Variants in EVC2 observed in about 807,000 individuals in gnomAD.
EVC2 encodes limbin.
In EVC2, 148 loss-of-function variants were observed where a neutral mutation model predicts 149.3. That is an observed-to-expected ratio of 0.99 (90% confidence interval 0.87 to 1.14). The LOEUF is 1.14. Ranked by LOEUF, EVC2 falls within the 50% of genes most tolerant of loss-of-function variation. The pLI, the probability that EVC2 is intolerant of heterozygous loss-of-function variation, is 0.00. For missense variants in EVC2, 1,854 were observed against 1,627.3 expected (o/e 1.14, Z -2.40); for synonymous variants, 776 against 649.9 (o/e 1.19, Z -2.95).
At chr4:5,579,178 G>A (rs1711539484) in intron 17 of EVC2, among the ~76,000 whole-genome samples, 1 of 152,120 alleles carries the variant, frequency 6.6e-6, no homozygotes, top group African/African-American at 2.4e-5. Flanking sequence ...AACTAGAGTA[G>A]GGAGAAAGGG....
chr4:5,612,693 C>T (rs894018237), intron 16 of EVC2, among the ~76,000 whole-genome samples: 3 of 151,972 alleles, frequency 2.0e-5, no homozygotes, highest in South Asian at 2.1e-4. Flanking sequence ...GAGGCCGAGG[C>T]GGGCGGATCA....
At chr4:5,701,917 C>T (rs1331233751) in intron 1 of EVC2, among the ~76,000 whole-genome samples, 4 of 152,098 alleles carry the variant, frequency 2.6e-5, no homozygotes, top group Admixed American at 6.6e-5. Flanking sequence ...CCAGCAACCT[C>T]TCAGTAGCCC....
chr4:5,536,590 TTGG>T, the EVC2 span, among the ~76,000 whole-genome samples: 1 of 151,914 alleles, frequency 6.6e-6, no homozygotes, highest in Admixed American at 6.6e-5. Context: ...CGAGACCATC[TTGG>T]CTAACATGGT....
At chr4:5,552,306 C>T (rs1721752755) in intron 21 of EVC2, among the ~76,000 whole-genome samples, 1 of 152,164 alleles carries the variant, frequency 6.6e-6, no homozygotes, top group African/African-American at 2.4e-5. Context: ...TTGGCATTTA[C>T]AACATTATAA....
intron 9 of EVC2, among the ~76,000 whole-genome samples, chr4:5,658,400 A>G (rs1043202879): frequency 1.3e-5 from 2 of 152,254 alleles, no homozygotes; most frequent in Non-Finnish European, 2.9e-5. Context: ...AAGAATAAAA[A>G]GAGTAGTAGT....
intron 21 of EVC2, among the ~76,000 whole-genome samples, chr4:5,550,604 T>C (rs1010142822): frequency 1.3e-5 from 2 of 152,264 alleles, no homozygotes; most frequent in African/African-American, 4.8e-5. Context: ...GAGAACGCAA[T>C]AGAAAAGAAA....
intron 16 of EVC2, among the ~76,000 whole-genome samples, chr4:5,608,512 A>G (rs1429758880): frequency 2.0e-5 from 3 of 152,064 alleles, no homozygotes; most frequent in Non-Finnish European, 4.4e-5. Context: ...ATGTTTCTGA[A>G]AGAGATTAGC....
Position 5,670,145 on chromosome 4 carries a change from G to A in EVC2, c.871-4496C>T, listed in dbSNP as rs1167778325. On this transcript the variant is annotated intron_variant, in intron 7 of 21. Coordinates refer to ENST00000344408, the MANE Select transcript of EVC2 (RefSeq NM_147127.5). The surrounding 1 kb of genome is among the most constrained non-coding windows in gnomAD (Gnocchi z 5.2). ...AAGATCTCAATATGTAATTTTATGA[G>A]AAGAAGGAGGCTCCATATAATCACT... Among the ~76,000 whole-genome samples the A allele has an allele frequency of 6.6e-6, 1 of 152,132 alleles. No homozygotes were observed. The highest frequency in any genetic ancestry group is 1.5e-5 in the Non-Finnish European group (1 of 68,016).
downstream of EVC2, chr4:5,542,622 T>C (rs1228726616): frequency 1.9e-5 from 3 of 154,724 alleles, no homozygotes; most frequent in African/African-American, 7.2e-5. Flanking sequence ...ACCTACACAC[T>C]GGAGAGTCTG....
intron 21 of EVC2, among the ~76,000 whole-genome samples, chr4:5,556,415 C>T (rs192573335): frequency 2.6e-5 from 4 of 151,600 alleles, no homozygotes; most frequent in African/African-American, 9.7e-5. Context: ...ACAACTTATC[C>T]CAATTTGTAT....
At chr4:5,532,119 G>T in the EVC2 span, among the ~76,000 whole-genome samples, 4 of 152,034 alleles carry the variant, frequency 2.6e-5, no homozygotes, top group African/African-American at 9.7e-5. Context: ...AGGGCCACTG[G>T]TATATTGATA....
rs1015675577 is a variant in EVC2, at chr4:5,695,349, AAAAAAAAAAAG to A, written c.284-859_284-849del. ...GGCGACAGAGCAAGACTCCATCTCA[AAAAAAAAAAAG>A]AAAAAAAAAAGAAGAAAGAAATGAC... On this transcript the variant is annotated intron_variant, in intron 2 of 21. Transcript: ENST00000344408. 2.7e-5 allele frequency among the ~76,000 whole-genome samples: 4 copies of A among 149,234 alleles called. 1 individual carries two copies. Among genetic ancestry groups the A allele is most frequent in the South Asian group, 2.1e-4 (1 of 4,752 alleles).
intron 17 of EVC2, among the ~76,000 whole-genome samples, chr4:5,579,518 G>A (rs149394118): frequency 1.3e-5 from 2 of 152,276 alleles, no homozygotes; most frequent in East Asian, 3.9e-4. Flanking sequence ...GTGGCCAGTG[G>A]TCCATAGGGA....
At chr4:5,578,307 T>A (rs1205690999) in intron 17 of EVC2, among the ~76,000 whole-genome samples, 5 of 152,136 alleles carry the variant, frequency 3.3e-5, no homozygotes, top group Non-Finnish European at 7.4e-5. Context: ...ATGATGATGA[T>A]GATGGGGATG....
the EVC2 span, among the ~76,000 whole-genome samples, chr4:5,535,449 G>A: frequency 5.3e-5 from 8 of 152,064 alleles, no homozygotes; most frequent in Non-Finnish European, 1.0e-4. This position sits in a 1 kb window ranked among gnomAD's most constrained non-coding sequence, Gnocchi z 4.7. Flanking sequence ...TCTGCTTTAG[G>A]GAGGCACATA....
chr4:5,638,197 T>C (rs1007254302), intron 10 of EVC2, among the ~76,000 whole-genome samples: 2 of 152,082 alleles, frequency 1.3e-5, no homozygotes, highest in African/African-American at 4.8e-5. Context: ...GAGATCAGTG[T>C]GGCCAACATG....
chr4:5,622,687 A>T lies in EVC2; in HGVS notation c.2351T>A (p.Met784Lys). 1 of 1,613,958 alleles carries T rather than the reference A, an allele frequency of 6.2e-7. No individual in the cohort carries two copies. Among genetic ancestry groups the T allele is most frequent in the South Asian group, 1.1e-5 (1 of 91,064 alleles). ...CTCCAGCTGCTCGGCCCGTGCAGCC[A>T]TCTCCTTGCCGTGCTCCTCCAGGAT... ...QQILEEHGKE[M>K]AARAEQLEGE... The change falls in exon 14 of 22, where the codon ATG becomes AAG. Residue 784 changes from methionine to lysine, a missense_variant. Met to Lys is a moderately conservative substitution (Grantham distance 95). Coordinates refer to ENST00000344408, the MANE Select transcript of EVC2 (RefSeq NM_147127.5). The surrounding 1 kb of genome is among the most constrained non-coding windows in gnomAD (Gnocchi z 5.8).
At chr4:5,708,143 A>G (rs1190498890) in intron 1 of EVC2, 143 bp downstream of exon 1, 2 of 686,874 alleles carry the variant, frequency 2.9e-6, no homozygotes, top group Non-Finnish European at 4.4e-6. Context: ...GGATACACCT[A>G]AGGGCCGCGA....
intron 1 of EVC2, among the ~76,000 whole-genome samples, chr4:5,706,385 GATAGATAC>G (rs1560243489): frequency 1.6e-4 from 7 of 44,146 alleles, no homozygotes; most frequent in African/African-American, 4.4e-4. Flanking sequence ...TAGATACATA[GATAGATAC>G]ATAGATAGAT....
Sources: allele counts gnomAD v4.1 joint callset (sites outside exome capture counted in the v4.1 genomes callset), GRCh38; gene constraint gnomAD v4.1.1; non-coding constraint Gnocchi (gnomAD v3.1); transcripts MANE v1.5; gene names NCBI Gene and HGNC (gene_info 2026-07-23, HGNC 2026-07-21).